CDC37L1: variants seen among roughly 807,000 people sequenced by gnomAD.
CDC37L1 encodes cell division cycle 37 like 1, HSP90 cochaperone, also known as hsp90 co-chaperone Cdc37-like 1.
In CDC37L1, 32 loss-of-function variants were observed where a neutral mutation model predicts 45.9. The ratio of observed to expected loss-of-function variants is 0.70; its 90% CI spans 0.53 to 0.94. The LOEUF (loss-of-function observed/expected upper bound fraction) is 0.94. CDC37L1 is among the 40% of genes least tolerant of loss of function. The probability of loss-of-function intolerance (pLI) is 0.00; values close to 1 mark genes in which losing one functional copy is unlikely to be tolerated. For synonymous variants in CDC37L1, 150 were observed against 133.0 expected (o/e 1.13, Z -0.88); for missense variants, 434 against 405.7 (o/e 1.07, Z -0.60).
At chr9:4,697,965 CA>C in intron 5 of CDC37L1, 86 bp downstream of exon 5, 8 of 1,220,820 alleles carry the variant, frequency 6.6e-6, no homozygotes, top group Non-Finnish European at 9.3e-6. Context: ...AGAAGGCATC[CA>C]AGCAGGATGC....
chr9:4,688,751 T>C, intron 3 of CDC37L1, 145 bp downstream of exon 3: 1 of 505,920 alleles, frequency 2.0e-6, no homozygotes. Flanking sequence ...TAGATCTTGT[T>C]TTAGAATTTT....
chr9:4,698,281 A>G lies in CDC37L1; in HGVS notation c.747+402A>G, dbSNP rs1179543354. ...GTTTAATGAGAAATCAGACTTTTAT[A>G]AAGAAAAAATAGGAAGCAACCTAAA... On this transcript the variant is annotated intron_variant, in intron 5 of 6. Coordinates refer to ENST00000381854, the MANE Select transcript of CDC37L1 (RefSeq NM_017913.4). Among the ~76,000 whole-genome samples the G allele has an allele frequency of 3.3e-5, 5 of 152,102 alleles. No individual in the cohort carries two copies. The East Asian group carries it at 9.6e-4, about 29-fold the overall frequency.
Position 4,706,278 on chromosome 9 carries a change from G to A in CDC37L1, c.*166G>A. The A allele has an allele frequency of 2.3e-6, 1 of 437,470 alleles. No individual in the cohort carries two copies. Among genetic ancestry groups the A allele is most frequent in the Non-Finnish European group, 4.2e-6 (1 of 238,208 alleles). The allele number at this position is 437,470 out of a possible 1,614,324, so 27.1% of individuals were successfully genotyped here. ...TAAATTTTTTTTAATGTGCTGCTAG[G>A]TTTTTTGTTTTGTTTTGTTCTGAAG... On this transcript the variant is annotated 3_prime_UTR_variant, in exon 7 of 7. Transcript: ENST00000381854.
At chr9:4,691,770 A>G (rs1404518032) in intron 3 of CDC37L1, among the ~76,000 whole-genome samples, 2 of 152,130 alleles carry the variant, frequency 1.3e-5, no homozygotes, top group Non-Finnish European at 2.9e-5. Context: ...ACAATATATC[A>G]TGGACTATTA....
At chr9:4,684,278 A>G (rs902879321) in intron 1 of CDC37L1, among the ~76,000 whole-genome samples, 5 of 152,186 alleles carry the variant, frequency 3.3e-5, no homozygotes, top group African/African-American at 7.2e-5. Flanking sequence ...GCAAGACTCC[A>G]TCACAAAATA....
chr9:4,680,412 C>T (rs1006913875), intron 1 of CDC37L1, among the ~76,000 whole-genome samples: 1 of 152,188 alleles, frequency 6.6e-6, no homozygotes, highest in African/African-American at 2.4e-5. Flanking sequence ...TTAAATCTCG[C>T]TTTTGACGCT....
chr9:4,704,484 C>G (rs146452179), intron 6 of CDC37L1, among the ~76,000 whole-genome samples: 1 of 152,140 alleles, frequency 6.6e-6, no homozygotes, highest in Admixed American at 6.5e-5. Flanking sequence ...TAGTATCTTA[C>G]AGTTCTTAGG....
Position 4,685,038 on chromosome 9 carries a change from A to G in CDC37L1, c.294A>G (p.Thr98=). ...ATCAGGAGCATGCCAAAGCACAAAC[A>G]GCAGTATCAGAACTGAGGCAACGGG... ...SLDQEHAKAQ[T]AVSELRQREE... is the part of the protein sequence containing the mutation. Residue 98 remains threonine (T), a synonymous_variant, in exon 2 of 7, where the codon ACA becomes ACG. Coordinates refer to ENST00000381854, the MANE Select transcript of CDC37L1 (RefSeq NM_017913.4). The G allele has an allele frequency of 1.2e-6, 2 of 1,614,188 alleles. No homozygotes were observed. Among genetic ancestry groups the G allele is most frequent in the Non-Finnish European group, 1.7e-6 (2 of 1,179,988 alleles).
At chr9:4,701,348 G>A (rs781726440) in intron 5 of CDC37L1, among the ~76,000 whole-genome samples, 5 of 152,156 alleles carry the variant, frequency 3.3e-5, no homozygotes, top group Admixed American at 3.3e-4. Context: ...CCATAATGAC[G>A]TTGACTATTG....
intron 6 of CDC37L1, among the ~76,000 whole-genome samples, chr9:4,704,739 T>G (rs895593515): frequency 1.3e-5 from 2 of 152,330 alleles, no homozygotes; most frequent in Middle Eastern, 3.4e-3. Context: ...ATTTCTTTTT[T>G]TTAATAATTG....
intron 1 of CDC37L1, among the ~76,000 whole-genome samples, chr9:4,681,560 T>C (rs1841193987): frequency 6.6e-6 from 1 of 152,156 alleles, no homozygotes; most frequent in East Asian, 1.9e-4. Flanking sequence ...AGGAGAATTG[T>C]TGGAGGCAAA....
At chr9:4,695,207 T>C (rs1841336595) in intron 3 of CDC37L1, among the ~76,000 whole-genome samples, 1 of 152,088 alleles carries the variant, frequency 6.6e-6, no homozygotes, top group African/African-American at 2.4e-5. Context: ...TTTTAAGAGA[T>C]ATGGTCTTGC....
chr9:4,693,006 T>C (rs77683144), intron 3 of CDC37L1, among the ~76,000 whole-genome samples: 1,631 of 152,270 alleles, frequency 0.011, 32 homozygotes, highest in African/African-American at 0.038. Context: ...ATGCATATGG[T>C]GGTAGACGAT....
chr9:4,700,043 C>T (rs888894148), intron 5 of CDC37L1, among the ~76,000 whole-genome samples: 6 of 151,352 alleles, frequency 4.0e-5, no homozygotes, highest in Non-Finnish European at 8.9e-5. Flanking sequence ...ACTTAAATAC[C>T]CTAAACTCTT....
chr9:4,693,481 T>C (rs1313830919), intron 3 of CDC37L1, among the ~76,000 whole-genome samples: 1 of 151,802 alleles, frequency 6.6e-6, no homozygotes, highest in Non-Finnish European at 1.5e-5. Context: ...ATAATAATAA[T>C]TCTATAAGTG....
Position 4,684,872 on chromosome 9 carries a change from T to C in CDC37L1, c.133-5T>C. The C allele has an allele frequency of 6.2e-7, 1 of 1,600,226 alleles. No individual in the cohort carries two copies. The highest frequency in any genetic ancestry group is 1.1e-5 in the South Asian group (1 of 90,382). On this transcript the variant is annotated splice_region_variant and splice_polypyrimidine_tract_variant and intron_variant, in intron 1 of 6. Transcript: ENST00000381854. ...TCATTTCTTACAAATATTGTTTTTA[T>C]CCAGATGTATAGCCATGGAATTGAA...
At chr9:4,692,143 T>A (rs10974733) in intron 3 of CDC37L1, among the ~76,000 whole-genome samples, 14,595 of 152,280 alleles carry the variant, frequency 0.096, 1,120 homozygotes, top group East Asian at 0.37. Flanking sequence ...TATGAATATT[T>A]ACAACCTCTT....
At chr9:4,697,026 G>T (rs1193915039) in intron 3 of CDC37L1, 70 bp from the exon 4 acceptor site, 32 of 704,746 alleles carry the variant, frequency 4.5e-5, no homozygotes, top group Non-Finnish European at 7.4e-5. Flanking sequence ...ATTAAGAATG[G>T]TTGGTATTTC....
chr9:4,685,979 A>G (rs867108223), intron 2 of CDC37L1, among the ~76,000 whole-genome samples: 1 of 152,200 alleles, frequency 6.6e-6, no homozygotes, highest in African/African-American at 2.4e-5. Flanking sequence ...TTTGGTTGAC[A>G]TGATGAAACC....
Sources: gnomAD v4.1 joint callset for allele counts (sites outside exome capture counted in the v4.1 genomes callset) on GRCh38, gnomAD v4.1.1 for gene constraint, MANE v1.5 for transcripts, NCBI Gene and HGNC (gene_info 2026-07-23, HGNC 2026-07-21) for gene names.